Variants in ELMOD3 observed in about 807,000 individuals in gnomAD.
ELMOD3 encodes ELMO domain containing 3.
In ELMOD3, 36 loss-of-function variants were observed where a neutral mutation model predicts 47.4. The ratio of observed to expected loss-of-function variants is 0.76; its 90% CI spans 0.58 to 1.00. The LOEUF (loss-of-function observed/expected upper bound fraction) is 1.00. Among genes scored for constraint, ELMOD3 ranks in the 50% least tolerant of loss-of-function variants. The probability of loss-of-function intolerance (pLI) is 0.00; values close to 1 mark genes in which losing one functional copy is unlikely to be tolerated. For synonymous variants in ELMOD3, 149 were observed against 183.5 expected, an observed-to-expected ratio of 0.81 and a Z score of 1.52; for missense variants, 404 against 463.8, an observed-to-expected ratio of 0.87 and a Z score of 1.18.
At chr2:85,374,356 T>C (rs1253164880) in intron 10 of ELMOD3, among the ~76,000 whole-genome samples, 7 of 152,202 alleles carry the variant, frequency 4.6e-5, no homozygotes, top group Non-Finnish European at 1.0e-4. Context: ...ATTTTTTTTT[T>C]CTTGAGATGG....
intron 4 of ELMOD3, among the ~76,000 whole-genome samples, chr2:85,359,405 C>G (rs1325909610): frequency 2.8e-5 from 3 of 107,004 alleles, no homozygotes; most frequent in Non-Finnish European, 5.5e-5. Context: ...TTACATGACT[C>G]TTTTTTTTTT....
intron 6 of ELMOD3, among the ~76,000 whole-genome samples, chr2:85,365,454 A>C (rs776971743): frequency 1.2e-4 from 19 of 152,234 alleles, no homozygotes; most frequent in Admixed American, 2.0e-4. Flanking sequence ...AGTGGAAGAG[A>C]GCTGAAATAA....
intron 11 of ELMOD3, among the ~76,000 whole-genome samples, chr2:85,381,745 C>G (rs1685551379): frequency 6.6e-6 from 1 of 152,184 alleles, no homozygotes; most frequent in South Asian, 2.1e-4. Context: ...TAATTTCTGG[C>G]CCCGTGTCTT....
chr2:85,371,020 C>G, intron 8 of ELMOD3, 66 bp from the exon 9 acceptor site: 2 of 1,569,088 alleles, frequency 1.3e-6, no homozygotes, highest in Non-Finnish European at 1.7e-6. Flanking sequence ...TGGTCTGAGC[C>G]TGATGGGAAG....
chr2:85,372,462 TGACA>T (rs1684864708), intron 10 of ELMOD3: 1 of 152,206 alleles, frequency 6.6e-6, no homozygotes, highest in South Asian at 2.1e-4. Flanking sequence ...TGGAGTGATG[TGACA>T]GAATCTGGCA....
intron 11 of ELMOD3, among the ~76,000 whole-genome samples, chr2:85,380,414 T>C (rs929810469): frequency 6.6e-6 from 1 of 152,238 alleles, no homozygotes; most frequent in Admixed American, 6.5e-5. Flanking sequence ...TCATGAACAT[T>C]TTAGCTCTCC....
intron 4 of ELMOD3, among the ~76,000 whole-genome samples, chr2:85,358,679 T>C (rs1663675079): frequency 6.6e-6 from 1 of 151,726 alleles, no homozygotes. Context: ...TGAGCATTAG[T>C]TGGAAAGGCA....
At chr2:85,389,924 C>A in intron 12 of ELMOD3, 97 bp downstream of exon 12, 2 of 1,237,236 alleles carry the variant, frequency 1.6e-6, no homozygotes, top group Non-Finnish European at 2.4e-6. Flanking sequence ...CACCTGCTGG[C>A]TCCTGGAGGG....
rs141600841 is a variant in ELMOD3 at position 85,371,759 on chromosome 2, C to T, written c.607+197C>T. The T allele has an allele frequency of 4.6e-4, 301 of 655,874 alleles. 5 individuals are homozygous for T. In the East Asian group the frequency reaches 0.01, roughly 22 times the overall value. The allele number at this position is 655,874 out of a possible 1,614,324, so 40.6% of individuals were successfully genotyped here. A position where few individuals can be genotyped will look rare whatever the true frequency, so the allele number is the denominator to read the frequency against. On this transcript the variant is annotated intron_variant, in intron 10 of 13. Coordinates refer to ENST00000409013, the MANE Select transcript of ELMOD3 (RefSeq NM_001135022.2). ...TGAAAAATAGCAAGAGTAGGTCGGG[C>T]GTGGTGGCTCACGCCTGTAATCCCA...
intron 12 of ELMOD3, 94 bp from the exon 13 acceptor site, chr2:85,390,044 G>A: frequency 2.2e-6 from 3 of 1,337,622 alleles, no homozygotes; most frequent in Non-Finnish European, 3.2e-6. Flanking sequence ...GTTTGGGCTG[G>A]CTCCCCTGGG....
intron 10 of ELMOD3, among the ~76,000 whole-genome samples, chr2:85,373,875 A>G (rs1355823412): frequency 3.5e-5 from 5 of 143,860 alleles, no homozygotes. Context: ...AGGAAAATCT[A>G]TTGTATTTAC....
chr2:85,385,080 TGAGA>T (rs1379433682), intron 11 of ELMOD3, among the ~76,000 whole-genome samples: 2 of 152,172 alleles, frequency 1.3e-5, no homozygotes, highest in South Asian at 2.1e-4. Context: ...GTAGCTGTCA[TGAGA>T]GAGTGAGACT....
rs1684027476 is a variant in ELMOD3, at chr2:85,362,230, C to A, written c.99C>A (p.Asp33Glu). 2 of 1,606,490 alleles carry A rather than the reference C, an allele frequency of 1.2e-6. No homozygotes were observed. Among genetic ancestry groups the A allele is most frequent in the Non-Finnish European group, 1.7e-6 (2 of 1,173,198 alleles). The part of the protein sequence containing the change: ...SAGYSPSYDK[D>E]KSVLAFRGIP... ...GATATTCTCCATCATATGACAAGGA[C>A]AAGAGTGTTCTGGCTTTCAGAGGAA... is the stretch of plus-strand genomic sequence containing the variant. The change falls in exon 5 of 14, where the codon GAC (aspartate) becomes GAA (glutamate). Residue 33 changes from aspartate (D) to glutamate (E), a missense_variant. Coordinates refer to ENST00000409013, the MANE Select transcript of ELMOD3 (RefSeq NM_001135022.2).
chr2:85,389,306 A>T (rs969822121), intron 11 of ELMOD3, among the ~76,000 whole-genome samples: 1 of 152,208 alleles, frequency 6.6e-6, no homozygotes, highest in East Asian at 1.9e-4. Flanking sequence ...CCAGACAACC[A>T]GAAGCCCAAA....
At chr2:85,389,703 C>T (rs771717621) in intron 11 of ELMOD3, 48 bp from the exon 12 acceptor site, 1 of 1,547,650 alleles carries the variant, frequency 6.5e-7, no homozygotes, top group African/African-American at 1.4e-5. Flanking sequence ...TGACAGGAAA[C>T]ACAGTGAGAG....
intron 12 of ELMOD3, 133 bp from the exon 13 acceptor site, chr2:85,390,005 G>A: frequency 8.9e-7 from 1 of 1,125,482 alleles, no homozygotes; most frequent in Admixed American, 1.7e-5. Context: ...TAGATGTCAG[G>A]CTCCTGGGGA....
At position 85,369,726 on chromosome 2, in the gene ELMOD3, C is replaced by A; in HGVS notation, c.269-13C>A. The A allele has an allele frequency of 6.2e-7, 1 of 1,612,136 alleles. No homozygotes were observed. Among genetic ancestry groups the A allele is most frequent in the Non-Finnish European group, 8.5e-7 (1 of 1,179,216 alleles). On this transcript the variant is annotated splice_polypyrimidine_tract_variant and intron_variant, in intron 7 of 13. Coordinates refer to ENST00000409013, the MANE Select transcript of ELMOD3 (RefSeq NM_001135022.2). ...CTCCTATAAATCCTGGCATGTCTTC[C>A]GTTTTGCCACAGGGAGCCAAGCTAG...
chr2:85,391,257 G>A lies in ELMOD3; in HGVS notation c.*295G>A, dbSNP rs908257900. On this transcript the variant is annotated 3_prime_UTR_variant, in exon 14 of 14. Coordinates refer to ENST00000409013, the MANE Select transcript of ELMOD3 (RefSeq NM_001135022.2). ...CCAGTGTATCCCACTGGGAGTGAATGGATCATGAGGTGGGATGGCCCCATC... is the reference window on the plus strand; with the variant it reads ...CCAGTGTATCCCACTGGGAGTGAATAGATCATGAGGTGGGATGGCCCCATC... The A allele has an allele frequency of 3.1e-6, 1 of 323,118 alleles. No individual in the cohort carries two copies. Among genetic ancestry groups the A allele is most frequent in the African/African-American group, 2.1e-5 (1 of 46,550 alleles). 20.0% of individuals were successfully genotyped at this position (323,118 alleles called of 1,614,324 possible). A position where few individuals can be genotyped will look rare whatever the true frequency, so the allele number is the denominator to read the frequency against.
intron 6 of ELMOD3, among the ~76,000 whole-genome samples, chr2:85,366,500 C>T (rs1267729064): frequency 6.6e-6 from 1 of 152,172 alleles, no homozygotes; most frequent in African/African-American, 2.4e-5. Context: ...GTCCATTGCC[C>T]TGCTGGACCT....
Sources: allele counts gnomAD v4.1 joint callset (sites outside exome capture counted in the v4.1 genomes callset), GRCh38; gene constraint gnomAD v4.1.1; transcripts MANE v1.5; gene names NCBI Gene and HGNC (gene_info 2026-07-23, HGNC 2026-07-21).